The following AAK1 variants were observed in gnomAD, a reference collection of about 807,000 sequenced individuals.
AAK1 encodes the protein AP2-associated protein kinase 1.
Under a neutral mutation model 116.0 loss-of-function variants are expected in AAK1, and 37 were observed. That is an observed-to-expected ratio of 0.32 (90% CI 0.25 to 0.42). The LOEUF (loss-of-function observed/expected upper bound fraction) is 0.42. Among genes scored for constraint, AAK1 ranks in the 10% least tolerant of loss-of-function variants. AAK1 has a pLI of 1.00. For missense variants in AAK1, 919 were observed against 1,170.6 expected (o/e 0.79, Z 3.14); for synonymous variants, 458 against 439.9 (o/e 1.04, Z -0.51).
rs766524955 is a variant in AAK1, at chr2:69,458,482, C to G, written c.*17387G>C. The G allele has an allele frequency of 2.0e-5, 3 of 152,624 alleles. No homozygotes were observed. The highest frequency in any genetic ancestry group is 4.4e-5 in the Non-Finnish European group (3 of 68,048). The allele number at this position is 152,624 out of a possible 1,614,324, so 9.5% of individuals were successfully genotyped here. ...AGGGTGAGCCCTACAGAGTTTCATC[C>G]TTGTGGATAAGAAGATGTGTACTTG... On this transcript the variant is annotated 3_prime_UTR_variant, in exon 22 of 22. Transcript: ENST00000409085.
At chr2:69,636,375 C>T (rs1675446410) in intron 2 of AAK1, among the ~76,000 whole-genome samples, 1 of 152,162 alleles carries the variant, frequency 6.6e-6, no homozygotes, top group Non-Finnish European at 1.5e-5. Context: ...TATAGATTTG[C>T]ATCCACTATC....
chr2:69,542,374 T>A, intron 5 of AAK1, 149 bp downstream of exon 5: 2 of 1,001,944 alleles, frequency 2.0e-6, no homozygotes, highest in Non-Finnish European at 2.9e-6. Context: ...CTTTTTCCTT[T>A]GTTATTTTCT....
At chr2:69,619,304 G>A (rs2105233293) in intron 2 of AAK1, among the ~76,000 whole-genome samples, 1 of 152,148 alleles carries the variant, frequency 6.6e-6, no homozygotes, top group East Asian at 1.9e-4. Context: ...AGAAAATTGA[G>A]GGTATCTGTT....
At position 69,477,412 on chromosome 2, in the gene AAK1, G is replaced by C. The variant is rs368246023; in HGVS notation, c.2681-422C>G. ...GGGCAGGGGAGGAGGAAGAGAATTG[G>C]TGGCTCTTTAAGAAGTAACCACTGT... On this transcript the variant is annotated intron_variant, in intron 20 of 21. Coordinates refer to ENST00000409085, the MANE Select transcript of AAK1 (RefSeq NM_014911.5). Among the ~76,000 whole-genome samples, 14 of 152,172 alleles carry C rather than the reference G, an allele frequency of 9.2e-5. No homozygotes were observed. In the East Asian group the frequency reaches 2.3e-3, roughly 25 times the overall value.
At chr2:69,548,494 C>G (rs1476472789) in intron 3 of AAK1, among the ~76,000 whole-genome samples, 1 of 147,370 alleles carries the variant, frequency 6.8e-6, no homozygotes, top group Admixed American at 6.8e-5. Context: ...TTTTCTTTCT[C>G]TCTCCTTCCT....
intron 2 of AAK1, among the ~76,000 whole-genome samples, chr2:69,596,821 G>A (rs115503787): frequency 0.015 from 2,343 of 152,252 alleles, 61 homozygotes; most frequent in African/African-American, 0.054. Flanking sequence ...GTGGTGGTGA[G>A]CCCAGGCTGA....
At chr2:69,627,338 G>GGGGGGA in intron 2 of AAK1, among the ~76,000 whole-genome samples, 1 of 152,000 alleles carries the variant, frequency 6.6e-6, no homozygotes, top group East Asian at 1.9e-4. Flanking sequence ...AAATTCTAGT[G>GGGGGGA]GGGGGAGTGG....
chr2:69,556,121 A>C (rs1671376071), intron 3 of AAK1, among the ~76,000 whole-genome samples: 1 of 152,250 alleles, frequency 6.6e-6, no homozygotes, highest in South Asian at 2.1e-4. Context: ...TTAACATAAC[A>C]AAATGTGCAG....
chr2:69,577,364 C>T (rs774076728), intron 2 of AAK1, among the ~76,000 whole-genome samples: 2 of 152,190 alleles, frequency 1.3e-5, no homozygotes, highest in African/African-American at 2.4e-5. Context: ...GTAAGAAATT[C>T]ACCTGACTTT....
chr2:69,545,640 T>G (rs761383715), intron 3 of AAK1, among the ~76,000 whole-genome samples: 2 of 152,196 alleles, frequency 1.3e-5, no homozygotes, highest in Non-Finnish European at 2.9e-5. Flanking sequence ...TGAATACACC[T>G]GAACCCTGGG....
At chr2:69,633,988 G>A (rs1343934270) in intron 2 of AAK1, among the ~76,000 whole-genome samples, 4 of 152,272 alleles carry the variant, frequency 2.6e-5, no homozygotes, top group African/African-American at 7.2e-5. Context: ...TGGCTAACAT[G>A]GTGAAACCCT....
At chr2:69,488,779 G>A (rs2104913315) in intron 17 of AAK1, among the ~76,000 whole-genome samples, 1 of 152,190 alleles carries the variant, frequency 6.6e-6, no homozygotes, top group Non-Finnish European at 1.5e-5. Context: ...AGGCAGGATG[G>A]TCTAACAGAG....
intron 2 of AAK1, among the ~76,000 whole-genome samples, chr2:69,570,446 T>G (rs1489300767): frequency 6.6e-6 from 1 of 152,064 alleles, no homozygotes; most frequent in Non-Finnish European, 1.5e-5. Context: ...GTGATTATCT[T>G]GGATGTGTTA....
In AAK1 at chr2:69,478,966, C is replaced by G; in HGVS notation, c.2665G>C (p.Ala889Pro). ...LEEFAPTAIS[A>P]PVHKAAEDSN... The stretch of plus-strand genomic sequence containing the variant: ...AAGCATTTACCTTTATGGACTGGAG[C>G]AGAGATTGCTGTGGGGGCAAACTCT... Residue 889 changes from alanine (A) to proline (P), a missense_variant, in exon 20 of 22, where the codon GCT becomes CCT. Physicochemically the swap from Ala to Pro is conservative, Grantham distance 27. This residue lies in a region of AAK1 where 263 missense variants were observed against 285.5 expected (regional missense o/e 0.92). Coordinates refer to ENST00000409085, the MANE Select transcript of AAK1 (RefSeq NM_014911.5). 1 of 1,612,156 alleles carries G rather than the reference C, an allele frequency of 6.2e-7. No individual in the cohort carries two copies. Among genetic ancestry groups the G allele is most frequent in the Non-Finnish European group, 8.5e-7 (1 of 1,178,270 alleles).
chr2:69,479,470 C>T (rs955632024), intron 19 of AAK1, among the ~76,000 whole-genome samples: 12 of 152,154 alleles, frequency 7.9e-5, no homozygotes, highest in African/African-American at 2.7e-4. Context: ...AACTTTAGCA[C>T]CTCAGTTCTT....
At chr2:69,538,508 C>A in intron 5 of AAK1, among the ~76,000 whole-genome samples, 1 of 152,338 alleles carries the variant, frequency 6.6e-6, no homozygotes, top group African/African-American at 2.4e-5. Flanking sequence ...CTGGTAACTA[C>A]GTAAGCTGGA....
intron 2 of AAK1, among the ~76,000 whole-genome samples, chr2:69,629,645 G>T (rs1341095454): frequency 6.6e-6 from 1 of 152,218 alleles, no homozygotes; most frequent in African/African-American, 2.4e-5. Context: ...AGGGAGGTTT[G>T]TATATCTCAA....
At chr2:69,545,171 T>G (rs539850064) in intron 3 of AAK1, among the ~76,000 whole-genome samples, 4 of 152,294 alleles carry the variant, frequency 2.6e-5, no homozygotes, top group Admixed American at 2.6e-4. Flanking sequence ...TGGAACTGCA[T>G]GTGATCTCTT....
chr2:69,594,636 G>T (rs1673182869), intron 2 of AAK1: 1 of 529,910 alleles, frequency 1.9e-6, no homozygotes, highest in East Asian at 3.3e-5. Context: ...GTACCAAACA[G>T]TTAGCCAGGT....
Sources: allele counts gnomAD v4.1 joint callset (sites outside exome capture counted in the v4.1 genomes callset), GRCh38; gene constraint gnomAD v4.1.1; regional missense constraint gnomAD v4.1.1; transcripts MANE v1.5; gene names NCBI Gene and HGNC (gene_info 2026-07-23, HGNC 2026-07-21).